The following P2RX5 variants were observed in gnomAD, a reference collection of about 807,000 sequenced individuals.
P2RX5 encodes purinergic receptor P2X 5, also known as P2X purinoceptor 5.
P2RX5 carries 46 observed loss-of-function variants against 54.1 expected under a neutral mutation model. The observed-to-expected ratio is 0.85, with a 90% CI of 0.67 to 1.09. P2RX5 has a LOEUF of 1.09. Ranked by LOEUF, P2RX5 falls within the 50% of genes least tolerant of loss-of-function variation. The pLI is 0.00. For synonymous variants in P2RX5, 226 were observed against 226.4 expected, an observed-to-expected ratio of 1.00 and a Z score of 0.02; for missense variants, 566 against 549.8, an observed-to-expected ratio of 1.03 and a Z score of -0.29.
chr17:3,703,838 C>T, the P2RX5 span, among the ~76,000 whole-genome samples: 150 of 152,284 alleles, frequency 9.9e-4, no homozygotes, highest in East Asian at 3.9e-4. Flanking sequence ...TGGTGGCTCA[C>T]GCCTGTAATC....
chr17:3,690,597 G>A lies in P2RX5; in HGVS notation c.436+8C>T, dbSNP rs1468756871. On this transcript the variant is annotated splice_region_variant and intron_variant, in intron 4 of 11. Coordinates refer to ENST00000225328, the MANE Select transcript of P2RX5 (RefSeq NM_002561.4). ...CTCCTTCAGCCCGTGGCCGCTCCAG[G>A]CCCTCACCGTTTCCAGCTGTAACCG... 2 of 1,613,498 alleles carry A rather than the reference G, an allele frequency of 1.2e-6. No homozygotes were observed. The highest frequency in any genetic ancestry group is 1.6e-4 in the Middle Eastern group (1 of 6,062).
rs756669050 is a variant in P2RX5 at position 3,690,201 on chromosome 17, C to T, written c.534-51G>A. On this transcript the variant is annotated intron_variant, in intron 5 of 11. Coordinates refer to ENST00000225328, the MANE Select transcript of P2RX5 (RefSeq NM_002561.4). ...TCCAGGAGGCCCCACCCCTGTGCCCCTCCCCCAGGCCTGGGCCAGTGTGAG... is the reference window on the plus strand; with the variant it reads ...TCCAGGAGGCCCCACCCCTGTGCCCTTCCCCCAGGCCTGGGCCAGTGTGAG... 2.0e-6 allele frequency: 3 copies of T among 1,522,750 alleles called. No homozygotes were observed. The East Asian group carries it at 6.7e-5, about 34-fold the overall frequency. The allele number at this position is 1,522,750 out of a possible 1,614,324, so 94.3% of individuals were successfully genotyped here. A position where few individuals can be genotyped will look rare whatever the true frequency, so the allele number is the denominator to read the frequency against.
At chr17:3,711,409 G>GTC in the P2RX5 span, among the ~76,000 whole-genome samples, 2 of 78,260 alleles carry the variant, frequency 2.6e-5, no homozygotes, top group South Asian at 8.9e-4. Flanking sequence ...TTGAGACGGA[G>GTC]TCTCGCTCTG....
chr17:3,676,654 G>C, intron 11 of P2RX5: 4 of 958,836 alleles, frequency 4.2e-6, no homozygotes, highest in Non-Finnish European at 3.7e-6. Context: ...AAATGTCACT[G>C]TGCACACAGA....
the P2RX5 span, among the ~76,000 whole-genome samples, chr17:3,720,904 T>A: frequency 6.6e-6 from 1 of 151,978 alleles, no homozygotes; most frequent in Non-Finnish European, 1.5e-5. Flanking sequence ...TTCTTTTCCC[T>A]TGTGCCATCC....
chr17:3,673,357 G>T lies in P2RX5; in HGVS notation c.*511C>A, dbSNP rs1005699854. The T allele has an allele frequency of 1.6e-5, 16 of 1,015,438 alleles. No homozygotes were observed. In the African/African-American group the frequency reaches 2.7e-4, roughly 17 times the overall value. 62.9% of individuals were successfully genotyped at this position (1,015,438 alleles called of 1,614,324 possible). ...CTGTGTACTGGCCTAAGGGCAAACA[G>T]CTGGCAGGAAGGTGGTGTCTTTAGG... is the stretch of plus-strand genomic sequence containing the variant. On this transcript the variant is annotated 3_prime_UTR_variant, in exon 12 of 12. Coordinates refer to ENST00000225328, the MANE Select transcript of P2RX5 (RefSeq NM_002561.4).
the P2RX5 span, among the ~76,000 whole-genome samples, chr17:3,701,768 T>G: frequency 0.096 from 13,802 of 144,412 alleles, 794 homozygotes; most frequent in East Asian, 0.24. Context: ...TTTGTTTTTT[T>G]TTTTTAAGAC....
the P2RX5 span, among the ~76,000 whole-genome samples, chr17:3,704,024 C>A: frequency 6.6e-6 from 1 of 152,134 alleles, no homozygotes; most frequent in African/African-American, 2.4e-5. Context: ...ATTGCTTGAA[C>A]CCAGGAGGCA....
At chr17:3,680,385 A>G (rs372435417) in intron 10 of P2RX5, among the ~76,000 whole-genome samples, 21 of 53,258 alleles carry the variant, frequency 3.9e-4, no homozygotes, top group South Asian at 1.4e-3. Flanking sequence ...TCCACCCTGC[A>G]TCCTCCACCC....
At chr17:3,711,680 G>A in the P2RX5 span, among the ~76,000 whole-genome samples, 2,366 of 150,488 alleles carry the variant, frequency 0.016, 38 homozygotes, top group African/African-American at 0.036. Context: ...CACTGCGCCC[G>A]GCCTCATTAT....
intron 10 of P2RX5, among the ~76,000 whole-genome samples, chr17:3,680,779 GTCCTCCACCCTGCA>G (rs1185233577): frequency 6.5e-4 from 36 of 55,624 alleles, no homozygotes; most frequent in East Asian, 3.2e-3. Context: ...TCCACCCAGT[GTCCTCCACCCTGCA>G]TCCTCCACCC....
intron 11 of P2RX5, chr17:3,678,220 C>A (rs1428381945): frequency 5.2e-6 from 2 of 387,542 alleles, no homozygotes; most frequent in Non-Finnish European, 7.1e-6. Flanking sequence ...GAGGCAGCAA[C>A]GCTCCTGGCA....
the P2RX5 span, among the ~76,000 whole-genome samples, chr17:3,709,857 C>T: frequency 6.6e-6 from 1 of 152,050 alleles, no homozygotes; most frequent in Non-Finnish European, 1.5e-5. Context: ...TGCAGTAAGC[C>T]GAGATCATGC....
At chr17:3,685,076 C>G (rs1037648046) in intron 9 of P2RX5, among the ~76,000 whole-genome samples, 5 of 152,012 alleles carry the variant, frequency 3.3e-5, no homozygotes, top group Non-Finnish European at 7.4e-5. Context: ...GAACTCACAA[C>G]CTCAGGTGAT....
At chr17:3,702,366 GTAAAATGGACCAATCAGCGCTCTA>G in the P2RX5 span, among the ~76,000 whole-genome samples, 19 of 152,284 alleles carry the variant, frequency 1.2e-4, no homozygotes, top group East Asian at 1.9e-3. Context: ...TCAGCGCTCT[GTAAAATGGACCAATCAGCGCTCTA>G]TAAAATGGAC....
chr17:3,723,435 A>C, the P2RX5 span: 7 of 1,340,194 alleles, frequency 5.2e-6, no homozygotes, highest in Admixed American at 8.4e-5. Context: ...GGAAAGTCTG[A>C]AATCTTTTTA....
chr17:3,714,737 C>T, the P2RX5 span: 3 of 612,006 alleles, frequency 4.9e-6, no homozygotes, highest in African/African-American at 3.7e-5. Flanking sequence ...AATATTCTAC[C>T]AACAGCTCCA....
the P2RX5 span, among the ~76,000 whole-genome samples, chr17:3,707,022 C>T: frequency 6.6e-6 from 1 of 152,266 alleles, no homozygotes; most frequent in African/African-American, 2.4e-5. Context: ...AGTTATTAGA[C>T]CTGCTGCTTT....
At chr17:3,697,063 G>A (rs564695306), upstream of P2RX5, among the ~76,000 whole-genome samples, 10 of 151,960 alleles carry the variant, frequency 6.6e-5, no homozygotes, top group East Asian at 1.2e-3. Context: ...CCCACACTCC[G>A]GCGGAGTCGG....
Sources: allele counts gnomAD v4.1 joint callset (sites outside exome capture counted in the v4.1 genomes callset), GRCh38; gene constraint gnomAD v4.1.1; transcripts MANE v1.5; gene names NCBI Gene and HGNC (gene_info 2026-07-23, HGNC 2026-07-21).